Variants in HNF4G observed in about 807,000 individuals in gnomAD.
The protein encoded by HNF4G is hepatocyte nuclear factor 4 gamma.
In HNF4G, 21 loss-of-function variants were observed where a neutral mutation model predicts 50.9. That is an observed-to-expected ratio of 0.41 (90% CI 0.29 to 0.59). The LOEUF (loss-of-function observed/expected upper bound fraction) is 0.59. Among genes scored for constraint, HNF4G ranks in the 20% least tolerant of loss-of-function variants. The pLI is 0.26. For missense variants in HNF4G, 527 were observed against 559.4 expected (o/e 0.94, Z 0.58); for synonymous variants, 198 against 185.6 (o/e 1.07, Z -0.54).
At chr8:75,489,846 T>A (rs374166281) in intron 1 of HNF4G, among the ~76,000 whole-genome samples, 1 of 152,210 alleles carries the variant, frequency 6.6e-6, no homozygotes, top group South Asian at 2.1e-4. Flanking sequence ...ATGTCTATCA[T>A]GACATGACCG....
intron 1 of HNF4G, among the ~76,000 whole-genome samples, chr8:75,419,313 T>C (rs1227217266): frequency 5.3e-5 from 8 of 152,180 alleles, no homozygotes; most frequent in Non-Finnish European, 8.8e-5. Flanking sequence ...CAGGTCCTCA[T>C]ACAGGCATTT....
intron 1 of HNF4G, among the ~76,000 whole-genome samples, chr8:75,457,800 A>G (rs1462039453): frequency 6.6e-6 from 1 of 152,042 alleles, no homozygotes; most frequent in South Asian, 2.1e-4. Context: ...ATAGAGTAAG[A>G]CATTTACTGT....
rs1230484054 is a variant in HNF4G at position 75,553,052 on chromosome 8, C to T, written c.500C>T (p.Ser167Leu). The T allele has an allele frequency of 6.2e-7, 1 of 1,608,636 alleles. No homozygotes were observed. The highest frequency in any genetic ancestry group is 1.7e-5 in the Admixed American group (1 of 59,524). Residue 167 changes from serine to leucine, a missense_variant, in exon 5 of 10, where the codon TCA becomes TTA. Transcript: ENST00000396423. ...AEVRSRQISV[S>L]SPGSSTDINV... Reference sequence around the variant, plus strand: ...TTTTCTTAATACTAGATCTCAGTCTCAAGCCCTGGGTCAAGCACTGACATA... The same window carrying T: ...TTTTCTTAATACTAGATCTCAGTCTTAAGCCCTGGGTCAAGCACTGACATA...
intron 2 of HNF4G, among the ~76,000 whole-genome samples, chr8:75,512,485 G>T (rs2130728607): frequency 6.8e-6 from 1 of 146,754 alleles, no homozygotes; most frequent in South Asian, 2.2e-4. Context: ...TATTATTTGA[G>T]ATGGAGTCTC....
At chr8:75,440,668 A>T (rs1811257802) in intron 1 of HNF4G, among the ~76,000 whole-genome samples, 1 of 152,240 alleles carries the variant, frequency 6.6e-6, no homozygotes, top group Non-Finnish European at 1.5e-5. Flanking sequence ...GGTGAAGCTT[A>T]TACTGCTGTC....
At chr8:75,427,812 T>C (rs1810923253) in intron 1 of HNF4G, among the ~76,000 whole-genome samples, 1 of 152,090 alleles carries the variant, frequency 6.6e-6, no homozygotes, top group Non-Finnish European at 1.5e-5. Flanking sequence ...TATATATATG[T>C]TATGTGTATT....
At chr8:75,437,270 ATAAT>A (rs1414062086) in intron 1 of HNF4G, among the ~76,000 whole-genome samples, 1 of 152,238 alleles carries the variant, frequency 6.6e-6, no homozygotes, top group Non-Finnish European at 1.5e-5. Context: ...GCACGTATCT[ATAAT>A]TAGAGAAAAG....
chr8:75,440,485 G>A (rs1012622544), intron 1 of HNF4G, among the ~76,000 whole-genome samples: 1 of 152,062 alleles, frequency 6.6e-6, no homozygotes, highest in African/African-American at 2.4e-5. Flanking sequence ...TGTTTAAATA[G>A]GAATATGTAT....
chr8:75,433,975 C>T (rs1205584282), intron 1 of HNF4G, among the ~76,000 whole-genome samples: 1 of 150,634 alleles, frequency 6.6e-6, no homozygotes, highest in Admixed American at 6.6e-5. Context: ...CAAAAATAGA[C>T]ACCTTAAAAT....
chr8:75,449,433 T>C (rs1811522354), intron 1 of HNF4G, among the ~76,000 whole-genome samples: 1 of 151,978 alleles, frequency 6.6e-6, no homozygotes, highest in South Asian at 2.1e-4. Context: ...TGTCTTGATA[T>C]ATGCATACAC....
intron 2 of HNF4G, among the ~76,000 whole-genome samples, chr8:75,530,810 T>TTTC (rs1806307377): frequency 6.6e-6 from 1 of 150,796 alleles, no homozygotes; most frequent in African/African-American, 2.4e-5. Flanking sequence ...TTTTTTTTTT[T>TTTC]GAGACAGGGT....
upstream of HNF4G, among the ~76,000 whole-genome samples, chr8:75,537,186 C>T (rs911174877): frequency 2.6e-5 from 4 of 151,966 alleles, no homozygotes; most frequent in Non-Finnish European, 4.4e-5. Flanking sequence ...TTCACAATTT[C>T]GTTAAAAATT....
chr8:75,491,467 T>G (rs1812627033), intron 2 of HNF4G, among the ~76,000 whole-genome samples: 1 of 151,974 alleles, frequency 6.6e-6, no homozygotes, highest in Non-Finnish European at 1.5e-5. Context: ...CTATAATTCT[T>G]TTTCTTTTCT....
At chr8:75,520,014 A>C (rs963439407) in intron 2 of HNF4G, among the ~76,000 whole-genome samples, 2 of 150,994 alleles carry the variant, frequency 1.3e-5, no homozygotes, top group African/African-American at 2.4e-5. Flanking sequence ...TCTCTCTTCC[A>C]GCCTTCTCTG....
chr8:75,513,539 A>G (rs1805810912), intron 2 of HNF4G, among the ~76,000 whole-genome samples: 1 of 152,132 alleles, frequency 6.6e-6, no homozygotes. Flanking sequence ...GTAATGTCTA[A>G]CATTCCTTGT....
intron 1 of HNF4G, among the ~76,000 whole-genome samples, chr8:75,461,766 T>A (rs1411682521): frequency 1.3e-5 from 2 of 151,764 alleles, no homozygotes; most frequent in Non-Finnish European, 2.9e-5. Flanking sequence ...ATCATAAAGT[T>A]TAATTTATAA....
chr8:75,433,645 C>T (rs1158071030), intron 1 of HNF4G, among the ~76,000 whole-genome samples: 2 of 152,114 alleles, frequency 1.3e-5, no homozygotes, highest in African/African-American at 4.8e-5. Context: ...GTGGTTCTCC[C>T]ACCTCAGCCT....
In HNF4G at chr8:75,509,068, G is replaced by A. The variant is rs191312360; in HGVS notation, c.-24+18860G>A. On this transcript the variant is annotated intron_variant, in intron 2 of 10. Transcript: ENST00000354370. ...GAAGAGGGTGAGTTTAAGGTATCAA[G>A]GAGGATGACATACCCATAGGACTCC... Among the ~76,000 whole-genome samples the A allele has an allele frequency of 3.9e-5, 6 of 152,314 alleles. No homozygotes were observed. The East Asian group carries it at 9.6e-4, about 24-fold the overall frequency.
At chr8:75,560,225 C>T (rs1807266621) in intron 8 of HNF4G, 119 bp from the exon 9 acceptor site, 2 of 1,014,826 alleles carry the variant, frequency 2.0e-6, no homozygotes, top group African/African-American at 1.7e-5. Flanking sequence ...TTTTGAATTC[C>T]CAAAAAGCAC....
Sources: allele counts gnomAD v4.1 joint callset (sites outside exome capture counted in the v4.1 genomes callset), GRCh38; gene constraint gnomAD v4.1.1; transcripts MANE v1.5; gene names NCBI Gene and HGNC (gene_info 2026-07-23, HGNC 2026-07-21).